PDE4D: variants seen among roughly 807,000 people sequenced by gnomAD.
PDE4D encodes phosphodiesterase 4D.
PDE4D carries 24 observed loss-of-function variants against 87.4 expected under a neutral mutation model. That is an observed-to-expected ratio of 0.27 (90% CI 0.20 to 0.39). The LOEUF is 0.39. PDE4D is among the 10% of genes least tolerant of loss of function. The probability of loss-of-function intolerance (pLI) is 1.00; values close to 1 mark genes in which losing one functional copy is unlikely to be tolerated. For missense variants in PDE4D, 714 were observed against 1,041.0 expected (o/e 0.69, Z 4.32); for synonymous variants, 384 against 383.2 (o/e 1.00, Z -0.02).
At chr5:59,075,751 A>T (rs2153420750) in intron 5 of PDE4D, among the ~76,000 whole-genome samples, 1 of 152,296 alleles carries the variant, frequency 6.6e-6, no homozygotes, top group South Asian at 2.1e-4. Context: ...CATTAGAAAG[A>T]TATAAGTATT....
intron 2 of PDE4D, among the ~76,000 whole-genome samples, chr5:60,009,180 C>T (rs746060902): frequency 6.6e-6 from 1 of 152,008 alleles, no homozygotes; most frequent in Admixed American, 6.6e-5. Context: ...AGGTTTTTAT[C>T]AAACGTTGAA....
intron 1 of PDE4D, among the ~76,000 whole-genome samples, chr5:59,294,342 T>C (rs1768633686): frequency 6.6e-6 from 1 of 152,174 alleles, no homozygotes; most frequent in African/African-American, 2.4e-5. Context: ...ACAGCATGAA[T>C]TGTGCTTTCA....
At chr5:60,470,405 A>G (rs965533136) in intron 1 of PDE4D, among the ~76,000 whole-genome samples, 1 of 152,204 alleles carries the variant, frequency 6.6e-6, no homozygotes, top group Non-Finnish European at 1.5e-5. Flanking sequence ...TAGCTAAGAT[A>G]ACAAATGAAG....
rs577544493 is a variant in PDE4D, at chr5:59,754,862, AC to A, written c.455+138305del. Among the ~76,000 whole-genome samples, 226 of 127,256 alleles carry A rather than the reference AC, an allele frequency of 1.8e-3. 1 individual carries two copies. The highest frequency in any genetic ancestry group is 6.6e-3 in the African/African-American group (210 of 31,724). 83.5% of individuals were successfully genotyped at this position (127,256 alleles called of 152,430 possible). A position where few individuals can be genotyped will look rare whatever the true frequency, so the allele number is the denominator to read the frequency against. ...GCTACCAGGTAAGAACTTAATAATT[AC>A]AGTGTGGGAAAACAGAGTACCAACA... On this transcript the variant is annotated intron_variant, in intron 1 of 14. Transcript: ENST00000340635.
chr5:60,515,709 G>A (rs1316660049), intron 1 of PDE4D, among the ~76,000 whole-genome samples: 3 of 150,870 alleles, frequency 2.0e-5, no homozygotes, highest in East Asian at 1.9e-4. Flanking sequence ...TGGATAGTGC[G>A]TAAGAACTCA....
chr5:60,160,252 G>A (rs1365672839), intron 2 of PDE4D, among the ~76,000 whole-genome samples: 1 of 152,182 alleles, frequency 6.6e-6, no homozygotes, highest in African/African-American at 2.4e-5. Flanking sequence ...TTGGTGAACA[G>A]TAGGCTATTA....
chr5:59,921,409 A>G (rs778741925), intron 3 of PDE4D, among the ~76,000 whole-genome samples: 2 of 152,200 alleles, frequency 1.3e-5, no homozygotes, highest in Non-Finnish European at 2.9e-5. Context: ...GGTTATTGAG[A>G]ATTTCAACAA....
chr5:59,893,065 C>T (rs1751192079), intron 1 of PDE4D, 103 bp downstream of exon 1: 10 of 1,188,516 alleles, frequency 8.4e-6, no homozygotes, highest in Non-Finnish European at 1.2e-5. Context: ...AGCATTTTAC[C>T]CTGGGTCTAG....
At chr5:59,561,250 C>T (rs568701678) in intron 1 of PDE4D, among the ~76,000 whole-genome samples, 12 of 149,650 alleles carry the variant, frequency 8.0e-5, no homozygotes, top group African/African-American at 3.0e-4. Flanking sequence ...TGCTGGCCTG[C>T]GGGGTTCTCA....
At chr5:60,425,208 A>G (rs1251118760) in intron 1 of PDE4D, among the ~76,000 whole-genome samples, 3 of 152,212 alleles carry the variant, frequency 2.0e-5, no homozygotes. Flanking sequence ...GGAACCAAAA[A>G]AGAGCCCACG....
intron 1 of PDE4D, among the ~76,000 whole-genome samples, chr5:60,501,803 T>C (rs1750091826): frequency 6.6e-6 from 1 of 152,246 alleles, no homozygotes; most frequent in South Asian, 2.1e-4. Flanking sequence ...ATGTCTTCTT[T>C]TGAGAAGTGT....
At chr5:60,061,185 T>C (rs1318283799) in intron 2 of PDE4D, among the ~76,000 whole-genome samples, 2 of 152,142 alleles carry the variant, frequency 1.3e-5, no homozygotes, top group African/African-American at 2.4e-5. Context: ...GAAAACCCCA[T>C]TGTCTCAGCC....
At chr5:59,633,706 C>T (rs1580015440) in intron 1 of PDE4D, among the ~76,000 whole-genome samples, 1 of 152,238 alleles carries the variant, frequency 6.6e-6, no homozygotes, top group East Asian at 1.9e-4. Context: ...TTCGTCCCCA[C>T]CAGGCCTGCC....
At chr5:59,882,548 A>G (rs1441622437) in intron 1 of PDE4D, among the ~76,000 whole-genome samples, 2 of 152,158 alleles carry the variant, frequency 1.3e-5, no homozygotes, top group Non-Finnish European at 2.9e-5. Context: ...CTGTGAGTAA[A>G]TTATTCTAAA....
chr5:60,189,068 G>A (rs1009821994), intron 1 of PDE4D, among the ~76,000 whole-genome samples: 3 of 152,154 alleles, frequency 2.0e-5, no homozygotes, highest in African/African-American at 7.2e-5. Context: ...CTCCCTCCAG[G>A]TGCACTAAAA....
intron 3 of PDE4D, among the ~76,000 whole-genome samples, chr5:59,904,011 A>C (rs1426323013): frequency 2.0e-5 from 3 of 152,168 alleles, no homozygotes; most frequent in African/African-American, 7.2e-5. Context: ...CTGTAAAATA[A>C]ACTAGTGACA....
chr5:60,314,502 ATACTT>A (rs1444536739), intron 1 of PDE4D, among the ~76,000 whole-genome samples: 2 of 151,990 alleles, frequency 1.3e-5, no homozygotes, highest in Non-Finnish European at 2.9e-5. Flanking sequence ...TATTATTATT[ATACTT>A]TAAGTTTTAG....
chr5:59,266,520 T>C (rs1008163111), intron 1 of PDE4D, among the ~76,000 whole-genome samples: 1 of 151,908 alleles, frequency 6.6e-6, no homozygotes, highest in Non-Finnish European at 1.5e-5. Flanking sequence ...CTGCAATTTA[T>C]AGTCTGACCA....
Position 59,559,643 on chromosome 5 carries a change from CATGAGT to C in PDE4D, c.455+333519_455+333524del, listed in dbSNP as rs558109081. On this transcript the variant is annotated intron_variant, in intron 1 of 14. Coordinates refer to ENST00000340635, the MANE Select transcript of PDE4D (RefSeq NM_001104631.2). ...CAAAAGTCAGCTATAGCTAATAGCT[CATGAGT>C]ATGTTTCCACAATACTGAACATTTT... Among the ~76,000 whole-genome samples, 18 of 152,154 alleles carry C rather than the reference CATGAGT, an allele frequency of 1.2e-4. No homozygotes were observed. In the East Asian group the frequency reaches 3.5e-3, roughly 29 times the overall value.
Sources: allele counts gnomAD v4.1 joint callset (sites outside exome capture counted in the v4.1 genomes callset), GRCh38; gene constraint gnomAD v4.1.1; transcripts MANE v1.5; gene names NCBI Gene and HGNC (gene_info 2026-07-23, HGNC 2026-07-21).